NDUFS4: variants seen among roughly 807,000 people sequenced by gnomAD.
NDUFS4 encodes NADH:ubiquinone oxidoreductase subunit S4.
NDUFS4 carries 28 observed loss-of-function variants against 24.3 expected under a neutral mutation model. That is an observed-to-expected ratio of 1.15 (90% CI 0.85 to 1.58). The LOEUF (loss-of-function observed/expected upper bound fraction) is 1.58. Among genes scored for constraint, NDUFS4 ranks in the 40% most tolerant of loss-of-function variants. The pLI, the probability that NDUFS4 is intolerant of heterozygous loss-of-function variation, is 0.00. For missense variants in NDUFS4, 223 were observed against 207.9 expected (o/e 1.07, Z -0.45); for synonymous variants, 93 against 69.7 (o/e 1.34, Z -1.67).
chr5:53,573,578 A>G, intron 1 of NDUFS4: 1 of 451,000 alleles, frequency 2.2e-6, no homozygotes, highest in Non-Finnish European at 4.4e-6. Flanking sequence ...TGCTTTTAAA[A>G]TTTTCTTTTC....
chr5:53,666,783 A>G (rs1197709322), intron 4 of NDUFS4, among the ~76,000 whole-genome samples: 2 of 151,822 alleles, frequency 1.3e-5, no homozygotes, highest in Admixed American at 6.6e-5. Context: ...AAAATACACA[A>G]ATTAGCTGGA....
In NDUFS4 at chr5:53,676,758, C is replaced by T. The variant is rs552344563; in HGVS notation, c.425-6360C>T. Among the ~76,000 whole-genome samples, 8 of 152,312 alleles carry T rather than the reference C, an allele frequency of 5.3e-5. No homozygotes were observed. In the South Asian group the frequency reaches 1.7e-3, roughly 32 times the overall value. On this transcript the variant is annotated intron_variant, in intron 4 of 4. Transcript: ENST00000296684. ...ATGTTACGGGACTCAAATTTTTTGACATTCTCCACATGTCACAAATGACCA... is the reference window on the plus strand; with the variant it reads ...ATGTTACGGGACTCAAATTTTTTGATATTCTCCACATGTCACAAATGACCA...
intron 2 of NDUFS4, among the ~76,000 whole-genome samples, chr5:53,608,259 G>T (rs763197078): frequency 1.3e-5 from 2 of 152,164 alleles, no homozygotes; most frequent in Non-Finnish European, 2.9e-5. Context: ...CTAACGATCA[G>T]CTGAGCCTTT....
chr5:53,667,609 C>G (rs1307507775), intron 4 of NDUFS4, among the ~76,000 whole-genome samples: 1 of 152,042 alleles, frequency 6.6e-6, no homozygotes, highest in Non-Finnish European at 1.5e-5. Context: ...TGGATCCTCC[C>G]TATCCCCACA....
chr5:53,650,106 T>TC (rs1206335354), intron 3 of NDUFS4, among the ~76,000 whole-genome samples: 2 of 152,332 alleles, frequency 1.3e-5, no homozygotes, highest in East Asian at 3.9e-4. Flanking sequence ...TTACTGTTTT[T>TC]CAATCACATG....
At chr5:53,574,192 C>T (rs1186710274) in intron 1 of NDUFS4, among the ~76,000 whole-genome samples, 2 of 152,254 alleles carry the variant, frequency 1.3e-5, no homozygotes, top group East Asian at 1.9e-4. Context: ...CAGTTTTTCA[C>T]CTTTACGTAT....
At chr5:53,650,368 A>G (rs79939749) in intron 3 of NDUFS4, among the ~76,000 whole-genome samples, 3,221 of 152,286 alleles carry the variant, frequency 0.021, 121 homozygotes, top group African/African-American at 0.073. Context: ...CTAGCATACA[A>G]TTTCATTTTG....
intron 1 of NDUFS4, among the ~76,000 whole-genome samples, chr5:53,574,858 CA>C (rs1468443832): frequency 1.6e-4 from 24 of 152,150 alleles, no homozygotes; most frequent in African/African-American, 5.5e-4. Flanking sequence ...TTGTGGCTAT[CA>C]TTAAGTTGCA....
At chr5:53,644,080 A>C (rs1579912133) in intron 2 of NDUFS4, among the ~76,000 whole-genome samples, 1 of 152,172 alleles carries the variant, frequency 6.6e-6, no homozygotes, top group Non-Finnish European at 1.5e-5. Context: ...TATAGTATAA[A>C]TCAAGAAATA....
At chr5:53,656,146 A>G (rs1276440639) in intron 3 of NDUFS4, among the ~76,000 whole-genome samples, 1 of 151,952 alleles carries the variant, frequency 6.6e-6, no homozygotes, top group African/African-American at 2.4e-5. Flanking sequence ...GAAACACCGT[A>G]TAAAGTTGGA....
Position 53,633,057 on chromosome 5 carries a change from A to G in NDUFS4, c.178-13176A>G, listed in dbSNP as rs1167039064. Among the ~76,000 whole-genome samples, 5 of 152,298 alleles carry G rather than the reference A, an allele frequency of 3.3e-5. No homozygotes were observed. The East Asian group carries it at 9.7e-4, about 29-fold the overall frequency. ...CTTCAGCTTTCAGTCATTGAGTCGT[A>G]TGCTTTATCAAGACTCAGCGAGCTT... On this transcript the variant is annotated intron_variant, in intron 2 of 4. Coordinates refer to ENST00000296684, the MANE Select transcript of NDUFS4 (RefSeq NM_002495.4).
At chr5:53,614,156 A>G (rs1750777491) in intron 2 of NDUFS4, among the ~76,000 whole-genome samples, 1 of 151,942 alleles carries the variant, frequency 6.6e-6, no homozygotes, top group South Asian at 2.1e-4. Flanking sequence ...AAAACCTGTT[A>G]TATTTAACTA....
chr5:53,620,020 A>G (rs974869833), intron 2 of NDUFS4, among the ~76,000 whole-genome samples: 3 of 152,100 alleles, frequency 2.0e-5, no homozygotes, highest in Non-Finnish European at 4.4e-5. Context: ...AGGGTTTAGT[A>G]TCAACATTTT....
intron 2 of NDUFS4, among the ~76,000 whole-genome samples, chr5:53,628,789 GTCTA>G (rs1329942494): frequency 6.6e-6 from 1 of 152,076 alleles, no homozygotes; most frequent in Non-Finnish European, 1.5e-5. Context: ...CTTGCTAGCA[GTCTA>G]TCTATTTTGT....
intron 2 of NDUFS4, among the ~76,000 whole-genome samples, chr5:53,615,353 T>A (rs1424336613): frequency 6.6e-6 from 1 of 151,968 alleles, no homozygotes; most frequent in Admixed American, 6.6e-5. Context: ...ACAATTATAT[T>A]TTCTTTTTAT....
intron 1 of NDUFS4, among the ~76,000 whole-genome samples, chr5:53,596,365 C>T (rs750850901): frequency 2.0e-5 from 3 of 151,950 alleles, no homozygotes; most frequent in Non-Finnish European, 4.4e-5. Flanking sequence ...CCAAGGAGGT[C>T]GTGGTTGCAG....
Position 53,560,717 on chromosome 5 carries a change from G to A in NDUFS4, c.55G>A (p.Ala19Thr). 6.2e-7 allele frequency: 1 copy of A among 1,614,252 alleles called. No homozygotes were observed. The highest frequency in any genetic ancestry group is 8.5e-7 in the Non-Finnish European group (1 of 1,180,050). ...GAGGCAGACGTTGTGGCGGAGAAGG[G>A]CAGTGGCTGTAGCTGCCCTTTCCGT... The part of the protein sequence containing the change: ...VLRQTLWRRR[A>T]VAVAALSVSR... Residue 19 changes from alanine to threonine, a missense_variant, in exon 1 of 5, where the codon GCA (alanine) becomes ACA (threonine). Transcript: ENST00000296684.
intron 2 of NDUFS4, among the ~76,000 whole-genome samples, chr5:53,618,737 G>T (rs1750933347): frequency 6.6e-6 from 1 of 152,056 alleles, no homozygotes; most frequent in Non-Finnish European, 1.5e-5. Flanking sequence ...GTGGAAATTT[G>T]TAACTGTATT....
At chr5:53,663,924 GC>G (rs1752426670) in intron 4 of NDUFS4, among the ~76,000 whole-genome samples, 1 of 152,094 alleles carries the variant, frequency 6.6e-6, no homozygotes, top group South Asian at 2.1e-4. Flanking sequence ...TTTCTTCTTA[GC>G]CTCGATGGTC....
Sources: allele counts gnomAD v4.1 joint callset (sites outside exome capture counted in the v4.1 genomes callset), GRCh38; gene constraint gnomAD v4.1.1; transcripts MANE v1.5; gene names NCBI Gene and HGNC (gene_info 2026-07-23, HGNC 2026-07-21).